Variants in XKR4 observed in about 807,000 individuals in gnomAD.
The protein encoded by XKR4 is XK-related protein 4.
A neutral mutation model predicts 53.9 loss-of-function variants in XKR4; 12 were observed. The ratio of observed to expected loss-of-function variants is 0.22; its 90% CI spans 0.14 to 0.36. The LOEUF is 0.36. Ranked by LOEUF, XKR4 falls within the 10% of genes least tolerant of loss-of-function variation. The pLI is 1.00. For missense variants in XKR4, 799 were observed against 859.5 expected (o/e 0.93, Z 0.88); for synonymous variants, 354 against 362.4 (o/e 0.98, Z 0.26).
chr8:55,311,597 G>A lies in XKR4; in HGVS notation c.807-46081G>A, dbSNP rs1819389890. Among the ~76,000 whole-genome samples the A allele has an allele frequency of 3.3e-5, 5 of 152,180 alleles. No homozygotes were observed. The South Asian group carries it at 1.0e-3, about 32-fold the overall frequency. ...GTCTAACACAGTTTGTTACAGACAA[G>A]TATCATAGCTAAGAAAAGGGTACAA... On this transcript the variant is annotated intron_variant, in intron 1 of 2. Transcript: ENST00000327381.
At chr8:55,243,167 G>A (rs1383995317) in intron 1 of XKR4, among the ~76,000 whole-genome samples, 8 of 152,138 alleles carry the variant, frequency 5.3e-5, no homozygotes, top group African/African-American at 1.7e-4. Flanking sequence ...TGTTACAGTT[G>A]ACTAACCTGA....
chr8:55,305,321 T>C (rs979832786), intron 1 of XKR4, among the ~76,000 whole-genome samples: 3 of 152,258 alleles, frequency 2.0e-5, no homozygotes, highest in Admixed American at 1.3e-4. Context: ...CAGGGGAATC[T>C]CATATGTGGC....
chr8:55,446,338 C>T (rs1297357892), intron 2 of XKR4, among the ~76,000 whole-genome samples: 1 of 152,096 alleles, frequency 6.6e-6, no homozygotes, highest in East Asian at 1.9e-4. Context: ...AAAACTTTAA[C>T]TGACTGATTT....
At chr8:55,440,396 T>C (rs1057013098) in intron 2 of XKR4, among the ~76,000 whole-genome samples, 1 of 152,118 alleles carries the variant, frequency 6.6e-6, no homozygotes, top group Non-Finnish European at 1.5e-5. Context: ...AGAGTTAGAA[T>C]TTAAAATAGA....
intron 2 of XKR4, among the ~76,000 whole-genome samples, chr8:55,395,507 G>A (rs925759592): frequency 6.6e-6 from 1 of 152,068 alleles, no homozygotes; most frequent in African/African-American, 2.4e-5. Flanking sequence ...GAAGCAGATG[G>A]ACCCAGCCCA....
intron 1 of XKR4, among the ~76,000 whole-genome samples, chr8:55,118,586 A>G (rs538438384): frequency 6.6e-6 from 1 of 152,312 alleles, no homozygotes; most frequent in Non-Finnish European, 1.5e-5. Context: ...GCAATTCAAA[A>G]TTTTCAGTAT....
At chr8:55,385,880 A>G (rs1804301985) in intron 2 of XKR4, among the ~76,000 whole-genome samples, 1 of 152,248 alleles carries the variant, frequency 6.6e-6, no homozygotes, top group South Asian at 2.1e-4. Flanking sequence ...TGGCAATTAA[A>G]GTGATAGGAA....
intron 1 of XKR4, among the ~76,000 whole-genome samples, chr8:55,302,073 G>A (rs1358694424): frequency 6.6e-6 from 1 of 152,024 alleles, no homozygotes; most frequent in East Asian, 1.9e-4. Context: ...CCTTGCCCAT[G>A]CCTATGTCCT....
chr8:55,449,893 G>GCA, intron 2 of XKR4: 1 of 904,142 alleles, frequency 1.1e-6, no homozygotes, highest in Non-Finnish European at 1.8e-6. Context: ...GCCGCAGGCA[G>GCA]CCTGGCGGGA....
At chr8:55,195,634 A>G (rs1817495773) in intron 1 of XKR4, among the ~76,000 whole-genome samples, 1 of 152,196 alleles carries the variant, frequency 6.6e-6, no homozygotes, top group South Asian at 2.1e-4. Context: ...ATATTTGGAA[A>G]CCATTGCAAA....
rs1166214427 is a variant in XKR4 at position 55,515,107 on chromosome 8, CT to C, written c.1007-8167del. On this transcript the variant is annotated intron_variant, in intron 2 of 2. Transcript: ENST00000327381. ...TCCTCCAACTCTTTTTATATTAAAA[CT>C]TTTTTTAATTTCAATTCGTTGTTTT... Among the ~76,000 whole-genome samples, 4 of 152,314 alleles carry C rather than the reference CT, an allele frequency of 2.6e-5. No homozygotes were observed. The South Asian group carries it at 6.2e-4, about 24-fold the overall frequency.
chr8:55,143,675 G>A (rs1189433634), intron 1 of XKR4, among the ~76,000 whole-genome samples: 1 of 152,162 alleles, frequency 6.6e-6, no homozygotes, highest in African/African-American at 2.4e-5. Context: ...ACACACACTT[G>A]GTGGTGTGCC....
rs551855353 is a variant in XKR4 at position 55,476,764 on chromosome 8, G to A, written c.1007-46517G>A. On this transcript the variant is annotated intron_variant, in intron 2 of 2. Transcript: ENST00000327381. ...ATTATATCCCGCACCTGGCTCAGAG[G>A]GTCCTATGCCCATGGAGTCTGCTCA... is the stretch of plus-strand genomic sequence containing the variant. 6.4e-4 allele frequency among the ~76,000 whole-genome samples: 98 copies of A among 152,196 alleles called. 1 individual carries two copies. The highest frequency in any genetic ancestry group is 2.3e-3 in the African/African-American group (97 of 41,470).
intron 2 of XKR4, among the ~76,000 whole-genome samples, chr8:55,521,607 C>T (rs1178987761): frequency 6.6e-6 from 1 of 152,150 alleles, no homozygotes; most frequent in Admixed American, 6.5e-5. Context: ...TGTAGCATGT[C>T]TAGTTGTTCT....
chr8:55,439,096 T>G (rs1004187778), intron 2 of XKR4, among the ~76,000 whole-genome samples: 4 of 152,222 alleles, frequency 2.6e-5, no homozygotes, highest in African/African-American at 9.6e-5. Context: ...TTAAAATGTC[T>G]TTTGTGAGAA....
At position 55,303,566 on chromosome 8, in the gene XKR4, G is replaced by A. The variant is rs559402381; in HGVS notation, c.807-54112G>A. On this transcript the variant is annotated intron_variant, in intron 1 of 2. Transcript: ENST00000327381. Reference sequence around the variant, plus strand: ...TCTATTGATTGGAATAGTTTCAGAAGGAATGGTACCAGCTCCTCGTTGTAC... The same window carrying A: ...TCTATTGATTGGAATAGTTTCAGAAAGAATGGTACCAGCTCCTCGTTGTAC... Among the ~76,000 whole-genome samples, 193 of 152,324 alleles carry A rather than the reference G, an allele frequency of 1.3e-3. 2 individuals carry two copies. Among genetic ancestry groups the A allele is most frequent in the Non-Finnish European group, 1.5e-4 (10 of 68,034 alleles).
At chr8:55,290,809 A>C (rs533420936) in intron 1 of XKR4, among the ~76,000 whole-genome samples, 6 of 152,140 alleles carry the variant, frequency 3.9e-5, no homozygotes, top group Admixed American at 6.5e-5. Flanking sequence ...GTGGTTTTAA[A>C]TATTTTTTCC....
chr8:55,161,660 G>A, intron 1 of XKR4: 2 of 456,082 alleles, frequency 4.4e-6, no homozygotes, highest in Non-Finnish European at 8.8e-6. Context: ...TGAATACTTG[G>A]ACGGTGTTTA....
chr8:55,163,699 G>A (rs1029326468), intron 1 of XKR4, among the ~76,000 whole-genome samples: 1 of 152,034 alleles, frequency 6.6e-6, no homozygotes, highest in Non-Finnish European at 1.5e-5. Context: ...ACAAAAATTA[G>A]CCAAGCATGA....
Sources: gnomAD v4.1 joint callset for allele counts (sites outside exome capture counted in the v4.1 genomes callset) on GRCh38, gnomAD v4.1.1 for gene constraint, MANE v1.5 for transcripts, NCBI Gene and HGNC (gene_info 2026-07-23, HGNC 2026-07-21) for gene names.